PEAK1: variants seen among roughly 807,000 people sequenced by gnomAD.
PEAK1 encodes pseudopodium enriched atypical kinase 1, also known as inactive tyrosine-protein kinase PEAK1.
In PEAK1, 54 loss-of-function variants were observed where a neutral mutation model predicts 124.7. The ratio of observed to expected loss-of-function variants is 0.43; its 90% CI spans 0.35 to 0.54. The LOEUF is 0.54. PEAK1 is among the 20% of genes least tolerant of loss of function. PEAK1 has a pLI of 0.01. For synonymous variants in PEAK1, 719 were observed against 760.0 expected, an observed-to-expected ratio of 0.95 and a Z score of 0.89; for missense variants, 2,046 against 2,134.5, an observed-to-expected ratio of 0.96 and a Z score of 0.82.
chr15:77,285,372 T>C (rs911986849), intron 3 of PEAK1, among the ~76,000 whole-genome samples: 4 of 152,180 alleles, frequency 2.6e-5, no homozygotes, highest in African/African-American at 9.6e-5. Context: ...TCTCCCCCTT[T>C]TTACTTCATC....
At chr15:77,222,548 A>G (rs1442640016) in intron 6 of PEAK1, among the ~76,000 whole-genome samples, 3 of 152,038 alleles carry the variant, frequency 2.0e-5, no homozygotes. Flanking sequence ...AACTTGACCA[A>G]GGTCACACAG....
chr15:77,202,467 GA>G (rs976496653), intron 6 of PEAK1, among the ~76,000 whole-genome samples: 1 of 152,032 alleles, frequency 6.6e-6, no homozygotes, highest in African/African-American at 2.4e-5. Context: ...ATGTTATTAA[GA>G]AAATCATCTT....
chr15:77,382,523 C>T (rs1436058732), intron 1 of PEAK1, among the ~76,000 whole-genome samples: 2 of 152,152 alleles, frequency 1.3e-5, no homozygotes, highest in African/African-American at 4.8e-5. Flanking sequence ...CAATACACCC[C>T]TCTCTAACCC....
At chr15:77,128,946 G>A (rs1030780224) in intron 9 of PEAK1, among the ~76,000 whole-genome samples, 4 of 152,196 alleles carry the variant, frequency 2.6e-5, no homozygotes, top group Admixed American at 2.6e-4. Context: ...ATGGGTTAGA[G>A]GTAGAGTGCT....
At position 77,197,010 on chromosome 15, in the gene PEAK1, C is replaced by T. The variant is rs187227533; in HGVS notation, c.-114-14970G>A. ...GGACTACAGGTGTCTGCCACTATGCCTGGCTAATTTTTTTTTTTTTTTTTA... is the reference window on the plus strand; with the variant it reads ...GGACTACAGGTGTCTGCCACTATGCTTGGCTAATTTTTTTTTTTTTTTTTA... On this transcript the variant is annotated intron_variant, in intron 6 of 9. Transcript: ENST00000682557. Among the ~76,000 whole-genome samples the T allele has an allele frequency of 6.7e-3, 973 of 145,342 alleles. 7 individuals are homozygous for T. Among genetic ancestry groups the T allele is most frequent in the African/African-American group, 0.023 (926 of 40,096 alleles).
chr15:77,406,481 C>G (rs998159025), intron 1 of PEAK1, among the ~76,000 whole-genome samples: 1 of 152,104 alleles, frequency 6.6e-6, no homozygotes, highest in Non-Finnish European at 1.5e-5. Flanking sequence ...TGCTATATAC[C>G]AACAGCGGCC....
chr15:77,343,482 CTTTTTTTTT>C (rs60121928), intron 2 of PEAK1, among the ~76,000 whole-genome samples: 1 of 97,954 alleles, frequency 1.0e-5, no homozygotes, highest in Non-Finnish European at 2.1e-5. Flanking sequence ...GTCCAACTTA[CTTTTTTTTT>C]TTTTTTTTTT....
chr15:77,154,593 C>T (rs1270048539), intron 8 of PEAK1, among the ~76,000 whole-genome samples: 1 of 152,226 alleles, frequency 6.6e-6, no homozygotes, highest in Non-Finnish European at 1.5e-5. Context: ...ATGGTCTTTA[C>T]ATTTTGGCAT....
chr15:77,133,058 C>A lies in PEAK1; in HGVS notation c.4024G>T (p.Val1342Phe). The change falls in exon 9 of 10, where the codon GTT becomes TTT. Residue 1342 changes from valine (V) to phenylalanine (F), a missense_variant. By Grantham distance (50) the Val-to-Phe change is conservative. Transcript: ENST00000682557. This position sits in a 1 kb window ranked among gnomAD's most constrained non-coding sequence, Gnocchi z 4.2. Reference sequence around the variant, plus strand: ...TTTGCATATGAAGCAGTATAGTAAACCGCATCACCTGCCTCACAACATGGT... The same window carrying A: ...TTTGCATATGAAGCAGTATAGTAAAACGCATCACCTGCCTCACAACATGGT... ...DKPCCEAGDA[V>F]YYTASYAKDP... 1 of 1,614,144 alleles carries A rather than the reference C, an allele frequency of 6.2e-7. No homozygotes were observed. Among genetic ancestry groups the A allele is most frequent in the Non-Finnish European group, 8.5e-7 (1 of 1,179,992 alleles).
chr15:77,256,589 A>C (rs2061149147), intron 5 of PEAK1, among the ~76,000 whole-genome samples: 1 of 152,120 alleles, frequency 6.6e-6, no homozygotes, highest in African/African-American at 2.4e-5. Flanking sequence ...ATTTTTAAAG[A>C]GTTGAAAAAA....
chr15:77,189,669 G>A (rs773486763), intron 6 of PEAK1, among the ~76,000 whole-genome samples: 3 of 152,172 alleles, frequency 2.0e-5, no homozygotes, highest in East Asian at 1.9e-4. Context: ...GTAATATTAC[G>A]AGGCAAATTA....
chr15:77,233,850 T>C (rs1014933669), intron 6 of PEAK1, among the ~76,000 whole-genome samples: 3 of 152,220 alleles, frequency 2.0e-5, no homozygotes, highest in Non-Finnish European at 4.4e-5. Flanking sequence ...TAAGCATTCA[T>C]GTTTATTTTA....
chr15:77,279,977 T>C (rs2062574593), intron 5 of PEAK1, among the ~76,000 whole-genome samples: 2 of 152,194 alleles, frequency 1.3e-5, no homozygotes, highest in African/African-American at 4.8e-5. Flanking sequence ...GTGATGGGAC[T>C]GTTTGTTTCC....
chr15:77,402,596 G>A (rs1222029723), intron 1 of PEAK1: 1 of 982,152 alleles, frequency 1.0e-6, no homozygotes, highest in Non-Finnish European at 1.2e-6. Context: ...ATATGCTCCA[G>A]TTTTGAATGA....
intron 1 of PEAK1, among the ~76,000 whole-genome samples, chr15:77,400,963 A>G (rs1289195718): frequency 6.6e-6 from 1 of 152,130 alleles, no homozygotes; most frequent in Non-Finnish European, 1.5e-5. Context: ...TTTGCATTTG[A>G]TCCTTACTAT....
chr15:77,385,906 T>C (rs1488630261), intron 1 of PEAK1, among the ~76,000 whole-genome samples: 1 of 152,194 alleles, frequency 6.6e-6, no homozygotes, highest in Non-Finnish European at 1.5e-5. Context: ...GCCTTAGTTT[T>C]AGAATGAGTC....
chr15:77,159,478 A>T (rs1006198621), intron 7 of PEAK1, among the ~76,000 whole-genome samples: 1 of 152,186 alleles, frequency 6.6e-6, no homozygotes, highest in African/African-American at 2.4e-5. Flanking sequence ...AACTGTGCCA[A>T]TTCTGTTGCT....
At chr15:77,208,020 G>A (rs1379693907) in intron 6 of PEAK1, among the ~76,000 whole-genome samples, 1 of 152,116 alleles carries the variant, frequency 6.6e-6, no homozygotes, top group East Asian at 1.9e-4. Context: ...CTCTGAGTGT[G>A]GCTTTTCCCC....
chr15:77,172,350 G>A (rs1382640259), intron 7 of PEAK1, among the ~76,000 whole-genome samples: 2 of 152,134 alleles, frequency 1.3e-5, no homozygotes, highest in Admixed American at 1.3e-4. Flanking sequence ...AATCTCATCA[G>A]AAGAATGTTT....
Sources: allele counts gnomAD v4.1 joint callset (sites outside exome capture counted in the v4.1 genomes callset), GRCh38; gene constraint gnomAD v4.1.1; non-coding constraint Gnocchi (gnomAD v3.1); transcripts MANE v1.5; gene names NCBI Gene and HGNC (gene_info 2026-07-23, HGNC 2026-07-21).